Variants in PSMA1 observed in about 807,000 individuals in gnomAD.
PSMA1 encodes the protein proteasome subunit alpha type-1.
In PSMA1, 3 loss-of-function variants were observed where a neutral mutation model predicts 38.4. That is an observed-to-expected ratio of 0.08 (90% CI 0.04 to 0.20). PSMA1 has a LOEUF of 0.20. Ranked by LOEUF, PSMA1 falls within the 10% of genes least tolerant of loss-of-function variation. The pLI is 1.00. For synonymous variants in PSMA1, 101 were observed against 107.1 expected (o/e 0.94, Z 0.35); for missense variants, 227 against 325.3 (o/e 0.70, Z 2.32).
At chr11:14,599,325 A>C (rs375132748) in intron 2 of PSMA1, among the ~76,000 whole-genome samples, 87 of 152,112 alleles carry the variant, frequency 5.7e-4, no homozygotes, top group Non-Finnish European at 9.4e-4. Flanking sequence ...TAATATCCTG[A>C]AGAGTGTTTT....
chr11:14,528,321 CCTT>C (rs1192202504), intron 2 of PSMA1, among the ~76,000 whole-genome samples: 1 of 152,124 alleles, frequency 6.6e-6, no homozygotes, highest in East Asian at 1.9e-4. Flanking sequence ...CTATTTTTCT[CCTT>C]CTTTTATTCG....
intron 1 of PSMA1, among the ~76,000 whole-genome samples, chr11:14,633,890 G>A (rs540136579): frequency 4.6e-5 from 7 of 152,140 alleles, no homozygotes; most frequent in Non-Finnish European, 1.0e-4. Flanking sequence ...GGGTGGGAGT[G>A]ACCCGATTTT....
intron 2 of PSMA1, among the ~76,000 whole-genome samples, chr11:14,552,122 G>T (rs145833493): frequency 6.6e-6 from 1 of 152,164 alleles, no homozygotes; most frequent in Non-Finnish European, 1.5e-5. Context: ...GGCTTCTCTA[G>T]GAGTTTCCCT....
At position 14,505,532 on chromosome 11, in the gene PSMA1, TTTC is replaced by T. The variant is rs746438415; in HGVS notation, c.736-287_736-285del. Reference sequence around the variant, plus strand: ...GGGTCCACTTATATGCAGATTTCTTTTTCTTTTTCTTTTTCTTTTTTGTTTGCT... The same window carrying T: ...GGGTCCACTTATATGCAGATTTCTTTTTTTTCTTTTTCTTTTTTGTTTGCT... On this transcript the variant is annotated intron_variant, in intron 9 of 9. Transcript: ENST00000396394. 3.7e-3 allele frequency among the ~76,000 whole-genome samples: 561 copies of T among 150,604 alleles called. 2 individuals are homozygous for T. The highest frequency in any genetic ancestry group is 5.3e-3 in the Non-Finnish European group (361 of 67,564).
rs554575823 is a variant in PSMA1 at position 14,613,108 on chromosome 11, CAAAT to C, written c.-165-1961_-165-1958del. Among the ~76,000 whole-genome samples, 45 of 151,882 alleles carry C rather than the reference CAAAT, an allele frequency of 3.0e-4. No homozygotes were observed. The East Asian group carries it at 7.5e-3, about 25-fold the overall frequency. On this transcript the variant is annotated intron_variant, in intron 1 of 10. Transcript: ENST00000418988. ...AGTTATTTTGAATAGAGGATTTTAA[CAAAT>C]AAAGTCTGTAATAAAGTTAATAATG...
chr11:14,568,265 C>G (rs1815913108), intron 2 of PSMA1, among the ~76,000 whole-genome samples: 1 of 152,212 alleles, frequency 6.6e-6, no homozygotes, highest in Non-Finnish European at 1.5e-5. Context: ...TTCCATCCCA[C>G]CATGCTACCT....
In PSMA1 at chr11:14,545,227, C is replaced by A. The variant is rs1851813333; in HGVS notation, c.22-26186G>T. On this transcript the variant is annotated intron_variant, in intron 2 of 10. Coordinates refer to the PSMA1 transcript ENST00000418988. ...CATAAGAATCCAAAGCAAACCAATT[C>A]TATTGAAATGCAGTTATCAAAATAT... 1.3e-5 allele frequency among the ~76,000 whole-genome samples: 2 copies of A among 152,256 alleles called. 1 individual carries two copies. The highest frequency in any genetic ancestry group is 4.1e-4 in the South Asian group (2 of 4,824).
chr11:14,521,781 A>AC (rs1851533876), upstream of PSMA1, among the ~76,000 whole-genome samples: 1 of 151,434 alleles, frequency 6.6e-6, no homozygotes, highest in Non-Finnish European at 1.5e-5. Flanking sequence ...AAAAAAAACA[A>AC]AAAACAAAGT....
intron 2 of PSMA1, among the ~76,000 whole-genome samples, chr11:14,541,183 G>A (rs1024831247): frequency 1.1e-4 from 17 of 152,172 alleles, no homozygotes; most frequent in Non-Finnish European, 2.2e-4. Flanking sequence ...ACATTAACAT[G>A]AGAATATATA....
At position 14,519,697 on chromosome 11, in the gene PSMA1, T is replaced by G. The variant is rs184509465; in HGVS notation, c.3+600A>C. 1.8e-4 allele frequency among the ~76,000 whole-genome samples: 27 copies of G among 152,264 alleles called. No individual in the cohort carries two copies. The East Asian group carries it at 5.0e-3, about 28-fold the overall frequency. The stretch of plus-strand genomic sequence containing the variant: ...ATAATAATAGTCATGGGAGTGAGAT[T>G]GAGTGCTAGAATGGCAGACAGAACT... On this transcript the variant is annotated intron_variant, in intron 1 of 9. Coordinates refer to ENST00000396394, the MANE Select transcript of PSMA1 (RefSeq NM_002786.4).
intron 2 of PSMA1, among the ~76,000 whole-genome samples, chr11:14,607,482 T>C (rs1852656608): frequency 6.6e-6 from 1 of 152,166 alleles, no homozygotes; most frequent in Admixed American, 6.5e-5. Flanking sequence ...ATTAGATAAA[T>C]TAACTTGTAG....
At chr11:14,626,982 G>T (rs541344026) in intron 1 of PSMA1, among the ~76,000 whole-genome samples, 1 of 152,158 alleles carries the variant, frequency 6.6e-6, no homozygotes, top group Non-Finnish European at 1.5e-5. Context: ...GTGCTGGCAC[G>T]GTTGGTTTCT....
intron 7 of PSMA1, among the ~76,000 whole-genome samples, chr11:14,512,377 GAA>G (rs1309393081): frequency 2.2e-5 from 3 of 137,902 alleles, no homozygotes; most frequent in Non-Finnish European, 3.2e-5. Flanking sequence ...CCCGTCTCAG[GAA>G]AAAAAAAAAA....
At chr11:14,571,371 C>T (rs2134178065) in intron 2 of PSMA1, among the ~76,000 whole-genome samples, 1 of 152,284 alleles carries the variant, frequency 6.6e-6, no homozygotes, top group East Asian at 1.9e-4. Flanking sequence ...CCTCAACATT[C>T]TTAAACAAAA....
intron 1 of PSMA1, among the ~76,000 whole-genome samples, chr11:14,640,937 G>C (rs1209763008): frequency 1.3e-5 from 2 of 152,044 alleles, no homozygotes; most frequent in South Asian, 2.1e-4. Flanking sequence ...AAATACCCAG[G>C]GGCTTGCATT....
Position 14,507,773 on chromosome 11 carries a change from G to A in PSMA1, c.625-7C>T. 1.3e-6 allele frequency: 2 copies of A among 1,484,588 alleles called. No homozygotes were observed. The highest frequency in any genetic ancestry group is 1.9e-6 in the Non-Finnish European group (2 of 1,073,452). 92.0% of individuals were successfully genotyped at this position (1,484,588 alleles called of 1,614,324 possible). A position where few individuals can be genotyped will look rare whatever the true frequency, so the allele number is the denominator to read the frequency against. Reference sequence around the variant, plus strand: ...CAATTCCAATGGAAACATTCTGAAGGGTAAAATATGGTAAAAGTAAAATAA... The same window carrying A: ...CAATTCCAATGGAAACATTCTGAAGAGTAAAATATGGTAAAAGTAAAATAA... On this transcript the variant is annotated splice_polypyrimidine_tract_variant and splice_region_variant and intron_variant, in intron 8 of 9. Coordinates refer to ENST00000396394, the MANE Select transcript of PSMA1 (RefSeq NM_002786.4).
intron 2 of PSMA1, among the ~76,000 whole-genome samples, chr11:14,596,879 G>T (rs1852502580): frequency 6.6e-6 from 1 of 152,168 alleles, no homozygotes; most frequent in Non-Finnish European, 1.5e-5. Flanking sequence ...TTGGTTATGG[G>T]TTTGTCATAA....
chr11:14,579,729 T>A lies in PSMA1; in HGVS notation c.21+31237A>T, dbSNP rs376258228. Among the ~76,000 whole-genome samples the A allele has an allele frequency of 5.3e-5, 8 of 152,258 alleles. No homozygotes were observed. In the East Asian group the frequency reaches 1.2e-3, roughly 22 times the overall value. ...AGAATAAACTTTTACAAAATGCTAGTTCCCCTAGAAACCCCCCTCAAACCT... is the reference window on the plus strand; with the variant it reads ...AGAATAAACTTTTACAAAATGCTAGATCCCCTAGAAACCCCCCTCAAACCT... On this transcript the variant is annotated intron_variant, in intron 2 of 10. Transcript: ENST00000418988.
intron 2 of PSMA1, among the ~76,000 whole-genome samples, chr11:14,579,827 A>G (rs931613192): frequency 2.6e-5 from 4 of 152,208 alleles, no homozygotes; most frequent in Admixed American, 1.3e-4. Flanking sequence ...ATGCCCTCCA[A>G]GTGAACATGA....
Sources: gnomAD v4.1 joint callset for allele counts (sites outside exome capture counted in the v4.1 genomes callset) on GRCh38, gnomAD v4.1.1 for gene constraint, MANE v1.5 for transcripts, NCBI Gene and HGNC (gene_info 2026-07-23, HGNC 2026-07-21) for gene names.